The following RNF111 variants were observed in gnomAD, a reference collection of about 807,000 sequenced individuals.
The protein encoded by RNF111 is ring finger protein 111.
In RNF111, 17 loss-of-function variants were observed where a neutral mutation model predicts 95.1. That is an observed-to-expected ratio of 0.18 (90% CI 0.12 to 0.27). The LOEUF (loss-of-function observed/expected upper bound fraction) is 0.27, where lower values mean the gene tolerates loss of function less well. Ranked by LOEUF, RNF111 falls within the 10% of genes least tolerant of loss-of-function variation. The pLI, the probability that RNF111 is intolerant of heterozygous loss-of-function variation, is 1.00. For missense variants in RNF111, 1,189 were observed against 1,210.4 expected, an observed-to-expected ratio of 0.98 and a Z score of 0.26; for synonymous variants, 440 against 414.8, an observed-to-expected ratio of 1.06 and a Z score of -0.74.
intron 7 of RNF111, among the ~76,000 whole-genome samples, chr15:59,076,837 A>C (rs1359113909): frequency 6.6e-6 from 1 of 152,246 alleles, no homozygotes. Context: ...ATGAAAGCTT[A>C]ATAAACACTT....
chr15:59,013,454 C>A (rs2039922981), intron 1 of RNF111, among the ~76,000 whole-genome samples: 1 of 152,076 alleles, frequency 6.6e-6, no homozygotes, highest in Non-Finnish European at 1.5e-5. Flanking sequence ...ATAGACCATC[C>A]CTGAATCTAG....
chr15:59,058,947 A>G (rs987621209), intron 5 of RNF111, among the ~76,000 whole-genome samples: 2 of 152,190 alleles, frequency 1.3e-5, no homozygotes, highest in Non-Finnish European at 2.9e-5. Flanking sequence ...TTATCTGATA[A>G]GCACTTTAGA....
Position 58,992,883 on chromosome 15 carries a change from A to G in RNF111, c.-20+4815A>G, listed in dbSNP as rs148222813. On this transcript the variant is annotated intron_variant, in intron 1 of 13. Transcript: ENST00000348370. The stretch of plus-strand genomic sequence containing the variant: ...TTTTTGAAAACGTTCATTCATGTTT[A>G]GGCTGGACATGGTGGTGCACACCTG... 1.4e-4 allele frequency among the ~76,000 whole-genome samples: 22 copies of G among 152,254 alleles called. No individual in the cohort carries two copies. In the East Asian group the frequency reaches 3.3e-3, roughly 23 times the overall value.
In RNF111 at chr15:59,095,807, T is replaced by A. The variant is rs2079167695; in HGVS notation, c.*907T>A. ...CTGCTAAGCACGAAAAGTTAAGATA[T>A]CTGCTTACATTGATTTTGTAGACAC... On this transcript the variant is annotated 3_prime_UTR_variant, in exon 14 of 14. Coordinates refer to ENST00000348370, the MANE Select transcript of RNF111 (RefSeq NM_017610.8). 1 of 391,182 alleles carries A rather than the reference T, an allele frequency of 2.6e-6. No individual in the cohort carries two copies. Among genetic ancestry groups the A allele is most frequent in the Admixed American group, 4.4e-5 (1 of 22,564 alleles). The allele number at this position is 391,182 out of a possible 1,614,324, so 24.2% of individuals were successfully genotyped here.
In RNF111 at chr15:58,987,911, C is replaced by G. The variant is rs535579457; in HGVS notation, c.-177C>G. ...GCACGTACAGTTTTGGTGGCGGTGA[C>G]AGACACTGTTCTTGACTCTAGGGGC... On this transcript the variant is annotated 5_prime_UTR_variant, in exon 1 of 14. Transcript: ENST00000348370. 1 of 153,406 alleles carries G rather than the reference C, an allele frequency of 6.5e-6. No individual in the cohort carries two copies. The highest frequency in any genetic ancestry group is 1.5e-5 in the Non-Finnish European group (1 of 68,582). 9.5% of individuals were successfully genotyped at this position (153,406 alleles called of 1,614,324 possible).
intron 1 of RNF111, among the ~76,000 whole-genome samples, chr15:58,993,509 A>G (rs1359240671): frequency 4.6e-5 from 7 of 152,174 alleles, no homozygotes; most frequent in East Asian, 1.9e-4. Context: ...CTGCACTCCA[A>G]CCTGAGTAAC....
intron 11 of RNF111, among the ~76,000 whole-genome samples, chr15:59,090,060 G>C (rs535948150): frequency 6.6e-6 from 1 of 152,074 alleles, no homozygotes; most frequent in African/African-American, 2.4e-5. Context: ...GGTGGGGAAC[G>C]GAATGTTTTT....
chr15:59,058,466 G>A lies in RNF111; in HGVS notation c.1282G>A (p.Ala428Thr). The A allele has an allele frequency of 1.2e-6, 2 of 1,614,076 alleles. No homozygotes were observed. Among genetic ancestry groups the A allele is most frequent in the Middle Eastern group, 1.7e-4 (1 of 6,060 alleles). ...TSEQASDTAS[A>T]VTSSQPSTVS... ...TGAGCAGGCCTCTGATACTGCTTCA[G>A]CTGTCACCAGTAGCCAACCTTCCAC... is the stretch of plus-strand genomic sequence containing the variant. The change falls in exon 5 of 14, where the codon GCT (alanine) becomes ACT (threonine). Residue 428 changes from alanine (A) to threonine (T), a missense_variant. Ala to Thr is a moderately conservative substitution (Grantham distance 58). Coordinates refer to ENST00000348370, the MANE Select transcript of RNF111 (RefSeq NM_017610.8).
At chr15:59,080,025 G>A (rs1209867263) in intron 7 of RNF111, among the ~76,000 whole-genome samples, 5 of 151,714 alleles carry the variant, frequency 3.3e-5, no homozygotes, top group African/African-American at 7.3e-5. Context: ...ACATACAAGC[G>A]GTCAAGAAAT....
intron 3 of RNF111, 85 bp from the exon 4 acceptor site, chr15:59,055,596 CA>C: frequency 9.6e-7 from 1 of 1,040,118 alleles, no homozygotes; most frequent in Non-Finnish European, 1.3e-6. Flanking sequence ...AAAAACTTAA[CA>C]TTTAGTAAGA....
At chr15:59,060,338 C>T (rs113187300) in intron 5 of RNF111, among the ~76,000 whole-genome samples, 15 of 151,892 alleles carry the variant, frequency 9.9e-5, no homozygotes, top group African/African-American at 3.6e-4. Context: ...CATGGTGAGA[C>T]TCACACCTGT....
chr15:59,034,545 A>G (rs1186225330), intron 2 of RNF111, among the ~76,000 whole-genome samples: 1 of 152,208 alleles, frequency 6.6e-6, no homozygotes, highest in African/African-American at 2.4e-5. Context: ...CACTCATATT[A>G]CAGATGAAGC....
At position 59,077,402 on chromosome 15, in the gene RNF111, G is replaced by A. The variant is rs181552980; in HGVS notation, c.1948+1187G>A. 2.6e-5 allele frequency among the ~76,000 whole-genome samples: 4 copies of A among 152,216 alleles called. No homozygotes were observed. The East Asian group carries it at 7.7e-4, about 29-fold the overall frequency. On this transcript the variant is annotated intron_variant, in intron 7 of 13. Coordinates refer to ENST00000348370, the MANE Select transcript of RNF111 (RefSeq NM_017610.8). The stretch of plus-strand genomic sequence containing the variant: ...AGTCATATAAAATGAGAATTTAAAA[G>A]CTTCCTCGCACAGCTTACTAATCTT...
intron 1 of RNF111, among the ~76,000 whole-genome samples, chr15:59,006,704 TAA>T (rs2039554807): frequency 6.6e-6 from 1 of 152,180 alleles, no homozygotes; most frequent in African/African-American, 2.4e-5. Flanking sequence ...ATAAAAAAAA[TAA>T]AGTTACAGAC....
Position 59,017,184 on chromosome 15 carries a change from C to T in RNF111, c.-19-13620C>T, listed in dbSNP as rs377010430. Among the ~76,000 whole-genome samples, 26 of 140,052 alleles carry T rather than the reference C, an allele frequency of 1.9e-4. No individual in the cohort carries two copies. The East Asian group carries it at 2.0e-3, about 11-fold the overall frequency. The allele number at this position is 140,052 out of a possible 152,430, so 91.9% of individuals were successfully genotyped here. On this transcript the variant is annotated intron_variant, in intron 1 of 13. Transcript: ENST00000348370. The stretch of plus-strand genomic sequence containing the variant: ...GGGTCTGTGGAAAAATTGTCTTCTA[C>T]GAATCCGTTCCCTGGTGCCAAAAAG...
intron 1 of RNF111, among the ~76,000 whole-genome samples, chr15:59,006,071 C>A (rs75834274): frequency 6.6e-6 from 1 of 152,080 alleles, no homozygotes; most frequent in Non-Finnish European, 1.5e-5. Context: ...CTCCAGTAGG[C>A]GTGGTCATTG....
rs550990995 is a variant in RNF111, at chr15:59,003,718, C to T, written c.-20+15650C>T. On this transcript the variant is annotated intron_variant, in intron 1 of 13. Transcript: ENST00000348370. ...CACGTGGCGTATTTTCTTAATAGCA[C>T]GTGTTTCGCTCTAAAATTATCTTGG... Among the ~76,000 whole-genome samples the T allele has an allele frequency of 3.3e-5, 5 of 152,286 alleles. No homozygotes were observed. In the South Asian group the frequency reaches 1.0e-3, roughly 32 times the overall value.
At chr15:58,995,764 CTTTTTTTTTT>C (rs34209382) in intron 1 of RNF111, among the ~76,000 whole-genome samples, 1 of 99,530 alleles carries the variant, frequency 1.0e-5, no homozygotes, top group South Asian at 3.4e-4. Context: ...GTGCCCCGGC[CTTTTTTTTTT>C]TTTTTTTTTT....
At chr15:59,040,467 T>C (rs1387900064) in intron 2 of RNF111, among the ~76,000 whole-genome samples, 2 of 152,134 alleles carry the variant, frequency 1.3e-5, no homozygotes, top group South Asian at 2.1e-4. Flanking sequence ...AAGCTAGAAA[T>C]GTAAAGATTT....
Sources: gnomAD v4.1 joint callset for allele counts (sites outside exome capture counted in the v4.1 genomes callset) on GRCh38, gnomAD v4.1.1 for gene constraint, MANE v1.5 for transcripts, NCBI Gene and HGNC (gene_info 2026-07-23, HGNC 2026-07-21) for gene names.